MAML2: variants seen among roughly 807,000 people sequenced by gnomAD.
MAML2 encodes mastermind like transcriptional coactivator 2.
Under a neutral mutation model 96.1 loss-of-function variants are expected in MAML2, and 22 were observed. The observed-to-expected ratio is 0.23, with a 90% CI of 0.16 to 0.33. The LOEUF is 0.33. MAML2 is among the 10% of genes least tolerant of loss of function. The pLI is 1.00. For missense variants in MAML2, 1,367 were observed against 1,392.4 expected (o/e 0.98, Z 0.29); for synonymous variants, 561 against 521.3 (o/e 1.08, Z -1.04).
chr11:96,072,094 T>C (rs1041663719), intron 2 of MAML2, among the ~76,000 whole-genome samples: 18 of 152,230 alleles, frequency 1.2e-4, no homozygotes, highest in Non-Finnish European at 2.1e-4. Flanking sequence ...GAAATAATTA[T>C]TCTTTAAAAA....
chr11:96,067,501 CAA>C (rs1302911866), intron 2 of MAML2, among the ~76,000 whole-genome samples: 1 of 152,130 alleles, frequency 6.6e-6, no homozygotes, highest in African/African-American at 2.4e-5. Context: ...CTTTAAAACA[CAA>C]AGTTATCACA....
In MAML2 at chr11:96,255,865, CTTTTTT is replaced by C. The variant is rs141609329; in HGVS notation, c.513+85512_513+85517del. Among the ~76,000 whole-genome samples, 34 of 77,916 alleles carry C rather than the reference CTTTTTT, an allele frequency of 4.4e-4. No individual in the cohort carries two copies. In the Admixed American group the frequency reaches 5.4e-3, roughly 12 times the overall value. The allele number at this position is 77,916 out of a possible 152,430, so 51.1% of individuals were successfully genotyped here. On this transcript the variant is annotated intron_variant, in intron 1 of 4. Transcript: ENST00000524717. ...TGTGGAGATAATTTCCCCCCACCGC[CTTTTTT>C]TTTTTTTTTTTTTTTTTTTGAGACA... is the stretch of plus-strand genomic sequence containing the variant.
chr11:96,325,290 G>T (rs1863760560), intron 1 of MAML2, among the ~76,000 whole-genome samples: 1 of 152,164 alleles, frequency 6.6e-6, no homozygotes, highest in African/African-American at 2.4e-5. Flanking sequence ...TACTAGTGGA[G>T]TTAGCACAGA....
intron 1 of MAML2, among the ~76,000 whole-genome samples, chr11:96,259,104 A>G (rs928246823): frequency 5.9e-5 from 9 of 152,328 alleles, no homozygotes; most frequent in South Asian, 2.1e-4. Context: ...TTAAACTTGT[A>G]TCTTGAAGTT....
At chr11:96,331,003 G>A (rs1343996179) in intron 1 of MAML2, among the ~76,000 whole-genome samples, 4 of 152,206 alleles carry the variant, frequency 2.6e-5, no homozygotes, top group African/African-American at 9.7e-5. Flanking sequence ...AGGCATGGTG[G>A]CTGATGCCTG....
intron 1 of MAML2, among the ~76,000 whole-genome samples, chr11:96,290,458 C>G (rs1863193377): frequency 6.6e-6 from 1 of 152,078 alleles, no homozygotes; most frequent in Non-Finnish European, 1.5e-5. Context: ...TAGTTCATTC[C>G]CATGGAAGGT....
At chr11:96,094,729 C>T (rs1859795715) in intron 1 of MAML2, among the ~76,000 whole-genome samples, 2 of 152,200 alleles carry the variant, frequency 1.3e-5, no homozygotes, top group South Asian at 4.1e-4. Context: ...GAGACCATAT[C>T]TACCAAAGTG....
chr11:96,179,272 A>G lies in MAML2; in HGVS notation c.514-85755T>C, dbSNP rs1861445495. Among the ~76,000 whole-genome samples the G allele has an allele frequency of 3.9e-5, 6 of 152,352 alleles. No individual in the cohort carries two copies. The South Asian group carries it at 1.2e-3, about 32-fold the overall frequency. ...AGAGAGAAATAGTTCAGATGTCCAA[A>G]AGGAAGGATATGAATAGATGTTACA... On this transcript the variant is annotated intron_variant, in intron 1 of 4. Coordinates refer to ENST00000524717, the MANE Select transcript of MAML2 (RefSeq NM_032427.4).
At chr11:96,093,938 G>T (rs899285002) in intron 1 of MAML2, among the ~76,000 whole-genome samples, 1 of 152,100 alleles carries the variant, frequency 6.6e-6, no homozygotes, top group East Asian at 1.9e-4. Context: ...ACAATTTTAA[G>T]CAAGATAGAA....
chr11:96,306,576 A>T (rs16923532), intron 1 of MAML2, among the ~76,000 whole-genome samples: 6,012 of 152,282 alleles, frequency 0.039, 131 homozygotes, highest in Non-Finnish European at 0.044. Flanking sequence ...GAACATCTAG[A>T]CTGGGCCATG....
At chr11:96,049,042 G>A (rs889575051) in intron 2 of MAML2, among the ~76,000 whole-genome samples, 3 of 152,150 alleles carry the variant, frequency 2.0e-5, no homozygotes, top group Non-Finnish European at 4.4e-5. Flanking sequence ...CCACTATAAT[G>A]AACCAGTGAT....
At chr11:96,125,624 C>T (rs964131802) in intron 1 of MAML2, among the ~76,000 whole-genome samples, 3 of 152,174 alleles carry the variant, frequency 2.0e-5, no homozygotes, top group Non-Finnish European at 2.9e-5. Context: ...GTTCTCTGCT[C>T]TCCGTGCCAT....
chr11:96,177,716 C>A (rs1861408926), intron 1 of MAML2, among the ~76,000 whole-genome samples: 1 of 152,138 alleles, frequency 6.6e-6, no homozygotes, highest in African/African-American at 2.4e-5. Flanking sequence ...AAATTATTAG[C>A]AACTCCAAGC....
chr11:96,236,124 A>G (rs979179181), intron 1 of MAML2, among the ~76,000 whole-genome samples: 1 of 152,216 alleles, frequency 6.6e-6, no homozygotes, highest in Non-Finnish European at 1.5e-5. Context: ...TCTTTTTTCA[A>G]TAGAAATGGG....
rs1030155537 is a variant in MAML2, at chr11:96,180,713, G to T, written c.514-87196C>A. 1.2e-4 allele frequency among the ~76,000 whole-genome samples: 19 copies of T among 152,252 alleles called. No individual in the cohort carries two copies. In the South Asian group the frequency reaches 3.7e-3, roughly 30 times the overall value. The stretch of plus-strand genomic sequence containing the variant: ...AAACCAGTAGGTTTTGGGGCAATTT[G>T]TTATGCAGTTATAGGAACTGGTACC... On this transcript the variant is annotated intron_variant, in intron 1 of 4. Coordinates refer to ENST00000524717, the MANE Select transcript of MAML2 (RefSeq NM_032427.4).
intron 1 of MAML2, among the ~76,000 whole-genome samples, chr11:96,144,284 G>C (rs574555970): frequency 6.6e-6 from 1 of 152,312 alleles, no homozygotes; most frequent in Non-Finnish European, 1.5e-5. Context: ...TACATCTAGA[G>C]AAGAATTTTT....
At chr11:96,176,705 G>A (rs1861393131) in intron 1 of MAML2, among the ~76,000 whole-genome samples, 2 of 152,156 alleles carry the variant, frequency 1.3e-5, no homozygotes, top group African/African-American at 2.4e-5. Context: ...TTATGGAAAT[G>A]GCATCAAGGG....
chr11:96,305,069 C>A (rs779028823), intron 1 of MAML2, among the ~76,000 whole-genome samples: 1 of 151,918 alleles, frequency 6.6e-6, no homozygotes, highest in Non-Finnish European at 1.5e-5. Flanking sequence ...GTTCTGAGGC[C>A]AAAAAATATA....
intron 1 of MAML2, among the ~76,000 whole-genome samples, chr11:96,174,100 C>A (rs926920306): frequency 6.6e-6 from 1 of 152,156 alleles, no homozygotes; most frequent in Non-Finnish European, 1.5e-5. Flanking sequence ...TCCTCCCATC[C>A]CAGTCCTTCC....
Sources: gnomAD v4.1 joint callset for allele counts (sites outside exome capture counted in the v4.1 genomes callset) on GRCh38, gnomAD v4.1.1 for gene constraint, MANE v1.5 for transcripts, NCBI Gene and HGNC (gene_info 2026-07-23, HGNC 2026-07-21) for gene names.